The following TNNI3K variants were observed in gnomAD, a reference collection of about 807,000 sequenced individuals.
The protein encoded by TNNI3K is TNNI3 interacting kinase, also known as serine/threonine-protein kinase TNNI3K.
Under a neutral mutation model 114.5 loss-of-function variants are expected in TNNI3K, and 140 were observed. That is an observed-to-expected ratio of 1.22 (90% CI 1.07 to 1.41). The LOEUF is 1.41. Among genes scored for constraint, TNNI3K ranks in the 40% most tolerant of loss-of-function variants. The probability of loss-of-function intolerance (pLI) is 0.00; values close to 1 mark genes in which losing one functional copy is unlikely to be tolerated. For synonymous variants in TNNI3K, 347 were observed against 347.5 expected, an observed-to-expected ratio of 1.00 and a Z score of 0.02; for missense variants, 1,125 against 1,007.6, an observed-to-expected ratio of 1.12 and a Z score of -1.58.
chr1:74,425,495 A>C (rs552124336), intron 17 of TNNI3K, among the ~76,000 whole-genome samples: 1 of 152,240 alleles, frequency 6.6e-6, no homozygotes, highest in South Asian at 2.1e-4. Flanking sequence ...TTCTAGGGAA[A>C]GTTACTGCTA....
At chr1:74,246,675 A>G (rs544317293) in intron 2 of TNNI3K, among the ~76,000 whole-genome samples, 87 of 152,348 alleles carry the variant, frequency 5.7e-4, no homozygotes, top group African/African-American at 2.1e-3. Flanking sequence ...ACAGGGAAGG[A>G]TGCACATTCT....
chr1:74,385,610 A>T (rs372320580), intron 17 of TNNI3K, among the ~76,000 whole-genome samples: 13 of 152,254 alleles, frequency 8.5e-5, no homozygotes, highest in African/African-American at 3.1e-4. Flanking sequence ...ACATAACTGA[A>T]ATGGAAGAAA....
chr1:74,334,481 G>C (rs1660367599), intron 6 of TNNI3K, among the ~76,000 whole-genome samples: 1 of 152,134 alleles, frequency 6.6e-6, no homozygotes, highest in South Asian at 2.1e-4. Flanking sequence ...AGGATTCAGA[G>C]GCATCCTAAC....
At chr1:74,349,065 G>C (rs1436709180) in intron 9 of TNNI3K, among the ~76,000 whole-genome samples, 2 of 152,134 alleles carry the variant, frequency 1.3e-5, no homozygotes, top group African/African-American at 4.8e-5. Flanking sequence ...GGGCATCCCT[G>C]TCTTGTGCTG....
rs116381041 is a variant in TNNI3K at position 74,459,287 on chromosome 1, C to T, written c.2012-4154C>T. ...AGTACTGTGCTAGGCACAGAAGATA[C>T]AATGGTGAAAAGACACAGTCCCTGA... On this transcript the variant is annotated intron_variant, in intron 20 of 24. Coordinates refer to ENST00000326637, the MANE Select transcript of TNNI3K (RefSeq NM_015978.3). Among the ~76,000 whole-genome samples, 1,195 of 152,244 alleles carry T rather than the reference C, an allele frequency of 7.8e-3. 19 individuals are homozygous for T. The highest frequency in any genetic ancestry group is 0.027 in the African/African-American group (1,135 of 41,546).
intron 5 of TNNI3K, 58 bp from the exon 6 acceptor site, chr1:74,331,392 A>G: frequency 6.4e-7 from 1 of 1,554,708 alleles, no homozygotes; most frequent in Non-Finnish European, 8.8e-7. Flanking sequence ...TGTAAACTGA[A>G]TCTTAATAGG....
intron 17 of TNNI3K, among the ~76,000 whole-genome samples, chr1:74,382,062 C>T (rs561504541): frequency 1.6e-4 from 25 of 152,304 alleles, no homozygotes; most frequent in African/African-American, 6.0e-4. Context: ...GTTGTCCTTC[C>T]GACCATAAAC....
chr1:74,390,965 G>GAAAA (rs10672464), intron 17 of TNNI3K, among the ~76,000 whole-genome samples: 8,564 of 131,466 alleles, frequency 0.065, 441 homozygotes, highest in African/African-American at 0.13. Flanking sequence ...ATTTTTTTCC[G>GAAAA]AAAAAAAAAA....
chr1:74,300,916 G>C (rs1256192332), intron 5 of TNNI3K, among the ~76,000 whole-genome samples: 2 of 152,024 alleles, frequency 1.3e-5, no homozygotes, highest in African/African-American at 4.8e-5. Flanking sequence ...ATGTTGTTTT[G>C]GGGGAAATGT....
intron 20 of TNNI3K, among the ~76,000 whole-genome samples, chr1:74,457,059 G>C (rs1255487380): frequency 6.6e-6 from 1 of 152,066 alleles, no homozygotes; most frequent in Non-Finnish European, 1.5e-5. Flanking sequence ...AACTTCATAG[G>C]ATACAAACAC....
chr1:74,255,467 C>T (rs1027431587), intron 4 of TNNI3K, among the ~76,000 whole-genome samples: 4 of 151,964 alleles, frequency 2.6e-5, no homozygotes, highest in Non-Finnish European at 4.4e-5. Context: ...CACTCTGGTT[C>T]GAACGCCTCT....
chr1:74,484,464 A>G (rs1570683745), intron 21 of TNNI3K, among the ~76,000 whole-genome samples: 1 of 152,216 alleles, frequency 6.6e-6, no homozygotes, highest in African/African-American at 2.4e-5. Context: ...CAAATAATAT[A>G]AAATATGTAT....
chr1:74,540,453 G>T (rs577753114), intron 24 of TNNI3K, 140 bp downstream of exon 24: 2 of 793,350 alleles, frequency 2.5e-6, no homozygotes, highest in East Asian at 5.6e-5. Context: ...TATAAAATTT[G>T]ATTTTATATG....
intron 20 of TNNI3K, among the ~76,000 whole-genome samples, chr1:74,441,074 A>G (rs1557567374): frequency 6.6e-6 from 1 of 152,106 alleles, no homozygotes; most frequent in Non-Finnish European, 1.5e-5. Flanking sequence ...TAGTCTTTTT[A>G]AAAATAGGGT....
At chr1:74,469,440 A>G (rs1372404020) in intron 21 of TNNI3K, 1 of 153,106 alleles carries the variant, frequency 6.5e-6, no homozygotes, top group Non-Finnish European at 1.5e-5. Flanking sequence ...AAACACAAAT[A>G]TGAATATATA....
intron 23 of TNNI3K, among the ~76,000 whole-genome samples, chr1:74,537,641 A>T (rs1276358704): frequency 1.3e-5 from 2 of 152,206 alleles, no homozygotes; most frequent in African/African-American, 2.4e-5. Context: ...GAATCTAAAG[A>T]TGTCAGACAT....
intron 11 of TNNI3K, chr1:74,366,454 T>C (rs989976537): frequency 2.0e-5 from 3 of 152,000 alleles, no homozygotes; most frequent in Non-Finnish European, 2.9e-5. Flanking sequence ...GGTGTTATAA[T>C]AGAAAAGTAT....
At chr1:74,261,944 G>A (rs1655699486) in intron 4 of TNNI3K, among the ~76,000 whole-genome samples, 1 of 152,028 alleles carries the variant, frequency 6.6e-6, no homozygotes, top group Non-Finnish European at 1.5e-5. Context: ...TATGTTGCCT[G>A]GCTTACCAGA....
intron 5 of TNNI3K, among the ~76,000 whole-genome samples, chr1:74,280,730 A>G (rs1656962413): frequency 1.3e-5 from 2 of 152,150 alleles, no homozygotes; most frequent in South Asian, 4.1e-4. Context: ...TGGGGTCCTG[A>G]AAAAATTTGA....
Sources: allele counts gnomAD v4.1 joint callset (sites outside exome capture counted in the v4.1 genomes callset), GRCh38; gene constraint gnomAD v4.1.1; transcripts MANE v1.5; gene names NCBI Gene and HGNC (gene_info 2026-07-23, HGNC 2026-07-21).